CTNNA2: variants seen among roughly 807,000 people sequenced by gnomAD.
The protein encoded by CTNNA2 is catenin alpha-2.
A neutral mutation model predicts 101.0 loss-of-function variants in CTNNA2; 42 were observed. That is an observed-to-expected ratio of 0.42 (90% CI 0.32 to 0.54). CTNNA2 has a LOEUF of 0.54. Among genes scored for constraint, CTNNA2 ranks in the 20% least tolerant of loss-of-function variants. The probability of loss-of-function intolerance (pLI) is 0.14; values close to 1 mark genes in which losing one functional copy is unlikely to be tolerated. For missense variants in CTNNA2, 871 were observed against 1,223.1 expected (o/e 0.71, Z 4.29); for synonymous variants, 450 against 456.4 (o/e 0.99, Z 0.18).
chr2:79,332,308 A>G (rs925646033), intron 3 of CTNNA2, among the ~76,000 whole-genome samples: 50 of 152,140 alleles, frequency 3.3e-4, no homozygotes, highest in Non-Finnish European at 5.6e-4. Context: ...GAAGAAAAAA[A>G]AAAAAAAGAC....
intron 9 of CTNNA2, among the ~76,000 whole-genome samples, chr2:80,504,845 C>T (rs193151978): frequency 5.3e-5 from 8 of 152,302 alleles, no homozygotes; most frequent in East Asian, 1.9e-4. Context: ...TCAAGAACCA[C>T]CTGCACTCTG....
chr2:79,494,335 G>A (rs1671234352), intron 4 of CTNNA2, among the ~76,000 whole-genome samples: 1 of 151,156 alleles, frequency 6.6e-6, no homozygotes, highest in Non-Finnish European at 1.5e-5. Flanking sequence ...GGAAATGCAG[G>A]GGATCTAGAA....
intron 2 of CTNNA2, among the ~76,000 whole-genome samples, chr2:79,707,162 A>C (rs17017645): frequency 0.33 from 49,857 of 151,948 alleles, 9,782 homozygotes; most frequent in East Asian, 0.58. Flanking sequence ...GCGAGGACAC[A>C]TGTGCTGGCT....
intron 4 of CTNNA2, among the ~76,000 whole-genome samples, chr2:79,450,416 G>GT (rs1678877345): frequency 6.6e-6 from 1 of 151,882 alleles, no homozygotes; most frequent in Admixed American, 6.6e-5. Context: ...GTCAAACTTT[G>GT]TAAGTGTAAT....
intron 3 of CTNNA2, among the ~76,000 whole-genome samples, chr2:79,323,886 A>G (rs1392664170): frequency 2.6e-5 from 4 of 152,152 alleles, no homozygotes; most frequent in Admixed American, 2.0e-4. Context: ...GGATGCCTGG[A>G]ACAATGGGAA....
At chr2:80,639,145 AGG>A (rs1673172635) in intron 18 of CTNNA2, among the ~76,000 whole-genome samples, 2 of 152,230 alleles carry the variant, frequency 1.3e-5, no homozygotes, top group South Asian at 2.1e-4. Context: ...GAAACTCTTT[AGG>A]AGTTATCGCA....
chr2:79,864,087 C>G (rs1267666148), intron 4 of CTNNA2, among the ~76,000 whole-genome samples: 1 of 152,148 alleles, frequency 6.6e-6, no homozygotes, highest in Non-Finnish European at 1.5e-5. Context: ...ATCAGGCCAA[C>G]TGGGAAAGGA....
At chr2:80,163,873 G>A (rs1278776295) in intron 7 of CTNNA2, among the ~76,000 whole-genome samples, 1 of 151,720 alleles carries the variant, frequency 6.6e-6, no homozygotes, top group East Asian at 1.9e-4. Flanking sequence ...CTTTGACTCT[G>A]ATAGTTTTGT....
At chr2:80,369,973 G>T (rs1247496231) in intron 7 of CTNNA2, among the ~76,000 whole-genome samples, 1 of 152,148 alleles carries the variant, frequency 6.6e-6, no homozygotes, top group Non-Finnish European at 1.5e-5. Context: ...ATATATTTGT[G>T]CTATCTTAAG....
chr2:80,240,135 G>A (rs1322696797), intron 7 of CTNNA2, among the ~76,000 whole-genome samples: 1 of 152,132 alleles, frequency 6.6e-6, no homozygotes, highest in Non-Finnish European at 1.5e-5. Flanking sequence ...ACCCAGCAAT[G>A]AGTATTGAAC....
At chr2:80,406,927 G>A (rs1478642460) in intron 8 of CTNNA2, among the ~76,000 whole-genome samples, 1 of 151,938 alleles carries the variant, frequency 6.6e-6, no homozygotes, top group East Asian at 1.9e-4. Context: ...TGCTGCTCTG[G>A]GTGCATTCTC....
At chr2:80,183,279 G>T (rs1256411954) in intron 7 of CTNNA2, among the ~76,000 whole-genome samples, 7 of 152,072 alleles carry the variant, frequency 4.6e-5, no homozygotes, top group African/African-American at 1.4e-4. Flanking sequence ...TACAGATGTG[G>T]AAATGGAGGC....
Position 79,788,809 on chromosome 2 carries a change from T to A in CTNNA2, c.298+44227T>A, listed in dbSNP as rs562497684. ...TGCTTCCATTTCAGTCTGTGCAGGC[T>A]CAAGCTCATTTTATAATTTTGCTTT... On this transcript the variant is annotated intron_variant, in intron 3 of 18. Transcript: ENST00000402739. Among the ~76,000 whole-genome samples the A allele has an allele frequency of 5.4e-4, 83 of 152,326 alleles. 1 individual carries two copies. The highest frequency in any genetic ancestry group is 1.9e-3 in the African/African-American group (78 of 41,582).
chr2:79,994,161 T>C (rs897571803), intron 7 of CTNNA2, among the ~76,000 whole-genome samples: 1 of 152,066 alleles, frequency 6.6e-6, no homozygotes, highest in Non-Finnish European at 1.5e-5. Context: ...CAAATGATCC[T>C]CTCACCTTGG....
At chr2:80,143,706 C>T (rs1322341641) in intron 7 of CTNNA2, among the ~76,000 whole-genome samples, 2 of 152,084 alleles carry the variant, frequency 1.3e-5, no homozygotes, top group African/African-American at 4.8e-5. Flanking sequence ...TCAAAAACAT[C>T]AAAGCTAAAG....
chr2:80,378,083 C>G (rs1461528140), intron 7 of CTNNA2, among the ~76,000 whole-genome samples: 1 of 151,940 alleles, frequency 6.6e-6, no homozygotes, highest in African/African-American at 2.4e-5. Flanking sequence ...GGGCCAGGCG[C>G]AGGTGGCTCA....
chr2:79,737,952 A>G (rs1017214134), intron 2 of CTNNA2, among the ~76,000 whole-genome samples: 1 of 152,236 alleles, frequency 6.6e-6, no homozygotes, highest in African/African-American at 2.4e-5. Context: ...GCAGCCTAAA[A>G]GTGGAGTACT....
Position 80,162,949 on chromosome 2 carries a change from G to T in CTNNA2, c.1057-230262G>T, listed in dbSNP as rs72926643. ...CTTGAATTTCCAACATGATATTGGGGATATGGCAAACTGACATCTTGCGAG... is the reference window on the plus strand; with the variant it reads ...CTTGAATTTCCAACATGATATTGGGTATATGGCAAACTGACATCTTGCGAG... On this transcript the variant is annotated intron_variant, in intron 7 of 18. Coordinates refer to ENST00000402739, the MANE Select transcript of CTNNA2 (RefSeq NM_001282597.3). The T allele has an allele frequency of 4.3e-3, 6,548 of 1,539,128 alleles. 259 individuals are homozygous for T. The African/African-American group carries it at 0.079, about 19-fold the overall frequency.
chr2:79,888,728 G>T (rs1298271041), intron 6 of CTNNA2, among the ~76,000 whole-genome samples: 1 of 152,082 alleles, frequency 6.6e-6, no homozygotes, highest in Non-Finnish European at 1.5e-5. Context: ...TCTTCCTAGT[G>T]TGACTGATTT....
Sources: gnomAD v4.1 joint callset for allele counts (sites outside exome capture counted in the v4.1 genomes callset) on GRCh38, gnomAD v4.1.1 for gene constraint, MANE v1.5 for transcripts, NCBI Gene and HGNC (gene_info 2026-07-23, HGNC 2026-07-21) for gene names.